Variants in DAB1 observed in about 807,000 individuals in gnomAD.
DAB1 encodes disabled homolog 1.
A neutral mutation model predicts 64.6 loss-of-function variants in DAB1; 15 were observed. The observed-to-expected ratio is 0.23, with a 90% CI of 0.16 to 0.36. The LOEUF (loss-of-function observed/expected upper bound fraction) is 0.36, where lower values mean the gene tolerates loss of function less well. DAB1 is among the 10% of genes least tolerant of loss of function. The pLI is 1.00. For synonymous variants in DAB1, 235 were observed against 251.9 expected (o/e 0.93, Z 0.64); for missense variants, 596 against 706.7 (o/e 0.84, Z 1.78).
chr1:58,031,216 C>T (rs1384151995), intron 5 of DAB1, among the ~76,000 whole-genome samples: 1 of 152,082 alleles, frequency 6.6e-6, no homozygotes, highest in East Asian at 1.9e-4. Context: ...TTGGCCAGAG[C>T]ACGGAGACAG....
chr1:57,751,099 C>A (rs191849708), intron 6 of DAB1, among the ~76,000 whole-genome samples: 1 of 152,180 alleles, frequency 6.6e-6, no homozygotes, highest in East Asian at 1.9e-4. Flanking sequence ...GCACCTGGTC[C>A]TATGGTACAC....
At chr1:57,106,994 C>T (rs1443192686) in intron 4 of DAB1, among the ~76,000 whole-genome samples, 1 of 152,176 alleles carries the variant, frequency 6.6e-6, no homozygotes, top group Non-Finnish European at 1.5e-5. Context: ...CTGGAAACAA[C>T]TTCAGGCATC....
At chr1:58,481,259 T>C (rs1253840416) in intron 3 of DAB1, 1 of 472,968 alleles carries the variant, frequency 2.1e-6, no homozygotes. Context: ...ATATGCTCCA[T>C]GTAAAACAAA....
intron 1 of DAB1, among the ~76,000 whole-genome samples, chr1:57,422,003 C>T (rs892616650): frequency 2.0e-5 from 3 of 150,858 alleles, no homozygotes; most frequent in East Asian, 2.0e-4. Context: ...CAGAATCACT[C>T]ATCACGGAGA....
At chr1:57,879,337 G>A (rs1219458291) in intron 1 of DAB1, among the ~76,000 whole-genome samples, 1 of 152,110 alleles carries the variant, frequency 6.6e-6, no homozygotes, top group East Asian at 1.9e-4. Context: ...CATCTTCAAA[G>A]ACCTTAGAGG....
chr1:57,218,677 A>G (rs1230757380), intron 2 of DAB1, among the ~76,000 whole-genome samples: 2 of 152,062 alleles, frequency 1.3e-5, no homozygotes, highest in Non-Finnish European at 2.9e-5. Context: ...AGCATATATA[A>G]ATGCTCCCAT....
rs139975667 is a variant in DAB1, at chr1:57,176,589, C to T, written c.68-31160G>A. ...TAAACGAAAACCCCTCCACCATAAT[C>T]TGAATCTTGTTTTAGATGATTATAT... On this transcript the variant is annotated intron_variant, in intron 2 of 14. Coordinates refer to ENST00000371236, the MANE Select transcript of DAB1 (RefSeq NM_001365792.1). 1.6e-4 allele frequency among the ~76,000 whole-genome samples: 24 copies of T among 152,212 alleles called. 1 individual carries two copies. The East Asian group carries it at 4.6e-3, about 29-fold the overall frequency.
intron 2 of DAB1, among the ~76,000 whole-genome samples, chr1:57,209,754 G>A (rs904076506): frequency 2.0e-5 from 3 of 151,978 alleles, no homozygotes; most frequent in Non-Finnish European, 2.9e-5. Flanking sequence ...ATAATACTTC[G>A]CCCTCTCCCT....
At chr1:58,064,302 G>C (rs956466190) in intron 5 of DAB1, among the ~76,000 whole-genome samples, 2 of 152,214 alleles carry the variant, frequency 1.3e-5, no homozygotes, top group Admixed American at 1.3e-4. Flanking sequence ...CATGTGTTTA[G>C]AGGCTGCAGT....
At chr1:57,621,092 TG>T (rs1645852216) in intron 7 of DAB1, among the ~76,000 whole-genome samples, 1 of 151,904 alleles carries the variant, frequency 6.6e-6, no homozygotes, top group Non-Finnish European at 1.5e-5. Flanking sequence ...AGAATGTGTT[TG>T]TGTGCATAAG....
intron 1 of DAB1, among the ~76,000 whole-genome samples, chr1:57,332,872 C>T (rs554588109): frequency 6.6e-6 from 1 of 152,204 alleles, no homozygotes; most frequent in Non-Finnish European, 1.5e-5. Flanking sequence ...ACCTGTCTGC[C>T]TCCCACCAGC....
rs1274341841 is a variant in DAB1, at chr1:57,361,893, G to A, written c.-137+62037C>T. On this transcript the variant is annotated intron_variant, in intron 1 of 14. Transcript: ENST00000371236. ...CATAGTCTAAGAGGAAGACAAACAG[G>A]TAATGATACAACAATCAGAAGAGTA... Among the ~76,000 whole-genome samples, 2 of 152,050 alleles carry A rather than the reference G, an allele frequency of 1.3e-5. 1 individual carries two copies. Among genetic ancestry groups the A allele is most frequent in the African/African-American group, 4.8e-5 (2 of 41,392 alleles).
intron 4 of DAB1, among the ~76,000 whole-genome samples, chr1:58,343,043 G>T (rs892336788): frequency 6.6e-6 from 1 of 152,140 alleles, no homozygotes; most frequent in Non-Finnish European, 1.5e-5. Context: ...TTTGGCCACT[G>T]CCTGCCTCCC....
chr1:57,686,636 T>C (rs149545546), intron 6 of DAB1, among the ~76,000 whole-genome samples: 6 of 152,256 alleles, frequency 3.9e-5, no homozygotes, highest in African/African-American at 1.4e-4. Flanking sequence ...CTGAGGAACA[T>C]AGATTCAAAA....
intron 1 of DAB1, among the ~76,000 whole-genome samples, chr1:58,540,565 C>A (rs1232068875): frequency 6.7e-6 from 1 of 149,948 alleles, no homozygotes; most frequent in African/African-American, 2.5e-5. Context: ...AAGACCTAAA[C>A]TTTTAGACAA....
intron 4 of DAB1, among the ~76,000 whole-genome samples, chr1:57,109,103 T>C (rs1222283940): frequency 6.6e-6 from 1 of 152,210 alleles, no homozygotes; most frequent in Admixed American, 6.5e-5. Flanking sequence ...ATTTGGATCT[T>C]TCTGATGGAC....
At chr1:57,007,924 G>A (rs1646136519) in intron 14 of DAB1, among the ~76,000 whole-genome samples, 1 of 152,220 alleles carries the variant, frequency 6.6e-6, no homozygotes, top group Non-Finnish European at 1.5e-5. Context: ...GATTAAATGT[G>A]TCTTGTGCTG....
intron 1 of DAB1, among the ~76,000 whole-genome samples, chr1:57,391,766 AACACACACACACACACACAC>A (rs57332880): frequency 3.6e-4 from 34 of 94,650 alleles, no homozygotes; most frequent in Admixed American, 9.9e-5. Flanking sequence ...CAGAGGAATA[AACACACACACACACACACAC>A]ACACACACAC....
intron 2 of DAB1, among the ~76,000 whole-genome samples, chr1:57,215,294 G>A (rs1666341001): frequency 6.6e-6 from 1 of 152,178 alleles, no homozygotes; most frequent in South Asian, 2.1e-4. Context: ...GAATCTGCAA[G>A]GAGAAGCTTA....
Sources: allele counts gnomAD v4.1 joint callset (sites outside exome capture counted in the v4.1 genomes callset), GRCh38; gene constraint gnomAD v4.1.1; transcripts MANE v1.5; gene names NCBI Gene and HGNC (gene_info 2026-07-23, HGNC 2026-07-21).